The following MTHFD1L variants were observed in gnomAD, a reference collection of about 807,000 sequenced individuals.
MTHFD1L encodes the protein monofunctional C1-tetrahydrofolate synthase, mitochondrial.
Under a neutral mutation model 119.5 loss-of-function variants are expected in MTHFD1L, and 81 were observed. That is an observed-to-expected ratio of 0.68 (90% CI 0.57 to 0.82). The LOEUF is 0.82. Among genes scored for constraint, MTHFD1L ranks in the 40% least tolerant of loss-of-function variants. MTHFD1L has a pLI of 0.00. For synonymous variants in MTHFD1L, 430 were observed against 475.2 expected, an observed-to-expected ratio of 0.90 and a Z score of 1.24; for missense variants, 1,125 against 1,253.4, an observed-to-expected ratio of 0.90 and a Z score of 1.55.
At chr6:151,027,020 G>C (rs1251336701) in intron 24 of MTHFD1L, among the ~76,000 whole-genome samples, 1 of 151,536 alleles carries the variant, frequency 6.6e-6, no homozygotes, top group Non-Finnish European at 1.5e-5. Flanking sequence ...AAATAGAGAT[G>C]GGGTTTCACC....
intron 21 of MTHFD1L, among the ~76,000 whole-genome samples, chr6:151,010,588 C>A (rs1782073460): frequency 6.6e-6 from 1 of 152,108 alleles, no homozygotes; most frequent in Non-Finnish European, 1.5e-5. Context: ...ATTTACCTAT[C>A]CTAATATATA....
intron 27 of MTHFD1L, among the ~76,000 whole-genome samples, chr6:151,092,872 C>A (rs1436810676): frequency 6.6e-6 from 1 of 152,184 alleles, no homozygotes; most frequent in Non-Finnish European, 1.5e-5. Context: ...TAGAGCATCT[C>A]TGACCATAAC....
chr6:151,072,855 T>G (rs953525473), intron 26 of MTHFD1L, among the ~76,000 whole-genome samples: 1 of 152,092 alleles, frequency 6.6e-6, no homozygotes, highest in Non-Finnish European at 1.5e-5. Context: ...TGATACATAA[T>G]GTTATGTTAA....
At chr6:150,905,840 T>C (rs1242190149) in intron 8 of MTHFD1L, 79 bp downstream of exon 8, 4 of 1,161,066 alleles carry the variant, frequency 3.4e-6, no homozygotes, top group Non-Finnish European at 5.2e-6. Flanking sequence ...CCTAAGAGGT[T>C]ATGTTTCTGA....
At chr6:151,088,722 G>T (rs1213290431) in intron 26 of MTHFD1L, among the ~76,000 whole-genome samples, 3 of 148,786 alleles carry the variant, frequency 2.0e-5, no homozygotes, top group Non-Finnish European at 4.4e-5. Flanking sequence ...CTCCCAAAAT[G>T]CTGGGATTAC....
rs1158680186 is a variant in MTHFD1L, at chr6:151,015,051, G to C, written c.2408+71G>C. On this transcript the variant is annotated intron_variant, in intron 23 of 27. Transcript: ENST00000367321. ...ACCCTGTGAACGATATTTGTGTCTT[G>C]GGGTATTTGGTCTTTCTGTGCTTCA... The C allele has an allele frequency of 1.8e-5, 23 of 1,255,004 alleles. No individual in the cohort carries two copies. In the East Asian group the frequency reaches 5.1e-4, roughly 28 times the overall value. 77.7% of individuals were successfully genotyped at this position (1,255,004 alleles called of 1,614,324 possible). A position where few individuals can be genotyped will look rare whatever the true frequency, so the allele number is the denominator to read the frequency against.
chr6:150,937,312 T>C lies in MTHFD1L; in HGVS notation c.1393+372T>C, dbSNP rs1398009646. Among the ~76,000 whole-genome samples, 4 of 152,202 alleles carry C rather than the reference T, an allele frequency of 2.6e-5. No homozygotes were observed. In the East Asian group the frequency reaches 7.7e-4, roughly 29 times the overall value. ...GGAAAGGTCTTTCCCTCTGCTTTAG[T>C]CTCGGCTCATTGGAGTTGCTGTGTG... On this transcript the variant is annotated intron_variant, in intron 12 of 27. Coordinates refer to ENST00000367321, the MANE Select transcript of MTHFD1L (RefSeq NM_015440.5).
chr6:151,053,879 C>T (rs1789474752), intron 26 of MTHFD1L, among the ~76,000 whole-genome samples: 1 of 150,252 alleles, frequency 6.7e-6, no homozygotes, highest in African/African-American at 2.4e-5. Context: ...AAAAAAAATG[C>T]TTATCATTGC....
chr6:150,969,782 A>C (rs1797770577), intron 19 of MTHFD1L, among the ~76,000 whole-genome samples: 1 of 152,190 alleles, frequency 6.6e-6, no homozygotes, highest in Admixed American at 6.5e-5. Context: ...GATTATATGG[A>C]CTTGGGTTTT....
chr6:151,068,202 G>T (rs1397412371), intron 26 of MTHFD1L, among the ~76,000 whole-genome samples: 2 of 152,254 alleles, frequency 1.3e-5, no homozygotes, highest in Non-Finnish European at 2.9e-5. Flanking sequence ...AGATGACAAA[G>T]AAAAGTTTCT....
At chr6:150,881,803 C>T (rs1781436496) in intron 4 of MTHFD1L, among the ~76,000 whole-genome samples, 1 of 152,158 alleles carries the variant, frequency 6.6e-6, no homozygotes, top group South Asian at 2.1e-4. Context: ...AGAGTAAGTG[C>T]TCAAACCATT....
chr6:151,019,448 T>C (rs551563188), intron 24 of MTHFD1L, among the ~76,000 whole-genome samples: 1 of 90,424 alleles, frequency 1.1e-5, no homozygotes, highest in South Asian at 2.6e-4. Context: ...GATATTTCAA[T>C]TTTTTTTTCT....
chr6:150,975,373 G>T (rs545700385), intron 20 of MTHFD1L, among the ~76,000 whole-genome samples: 65 of 152,282 alleles, frequency 4.3e-4, no homozygotes, highest in Middle Eastern at 3.4e-3. Flanking sequence ...TGGGAACGGG[G>T]TGTGGTCAGG....
intron 26 of MTHFD1L, among the ~76,000 whole-genome samples, chr6:151,051,410 A>G (rs1230751126): frequency 1.3e-5 from 2 of 152,052 alleles, no homozygotes; most frequent in South Asian, 2.1e-4. Flanking sequence ...ACACCTTCCA[A>G]ATGCTTTGTA....
chr6:150,921,673 G>A (rs1482269946), intron 9 of MTHFD1L, among the ~76,000 whole-genome samples: 4 of 152,126 alleles, frequency 2.6e-5, no homozygotes, highest in Non-Finnish European at 4.4e-5. Context: ...TCAGCCTCCC[G>A]AGTAGCTGGG....
intron 4 of MTHFD1L, 26 bp from the exon 5 acceptor site, chr6:150,882,731 TTTTTA>T: frequency 7.1e-7 from 1 of 1,413,522 alleles, no homozygotes; most frequent in South Asian, 1.6e-5. Flanking sequence ...ACAAAACTAA[TTTTTA>T]TTTTGTTTTT....
chr6:150,945,661 A>G (rs1385079429), intron 15 of MTHFD1L, 120 bp downstream of exon 15: 2 of 878,648 alleles, frequency 2.3e-6, no homozygotes, highest in Non-Finnish European at 3.6e-6. Context: ...CCTTTTGGGT[A>G]TTAAACTCTA....
At chr6:151,023,370 A>G (rs1365600455) in intron 24 of MTHFD1L, among the ~76,000 whole-genome samples, 1 of 151,756 alleles carries the variant, frequency 6.6e-6, no homozygotes, top group Admixed American at 6.6e-5. Context: ...GCTTGACCAG[A>G]CCTTCTGCAA....
chr6:151,007,001 A>G (rs1243914918), intron 20 of MTHFD1L, among the ~76,000 whole-genome samples: 1 of 152,180 alleles, frequency 6.6e-6, no homozygotes, highest in Non-Finnish European at 1.5e-5. Context: ...TAATCAGGCC[A>G]GTGAACCAGT....
Sources: allele counts gnomAD v4.1 joint callset (sites outside exome capture counted in the v4.1 genomes callset), GRCh38; gene constraint gnomAD v4.1.1; transcripts MANE v1.5; gene names NCBI Gene and HGNC (gene_info 2026-07-23, HGNC 2026-07-21).